ZGRF1: variants seen among roughly 807,000 people sequenced by gnomAD.
ZGRF1 encodes zinc finger GRF-type containing 1.
Under a neutral mutation model 203.5 loss-of-function variants are expected in ZGRF1, and 196 were observed. That is an observed-to-expected ratio of 0.96 (90% CI 0.86 to 1.08). The LOEUF is 1.08. Ranked by LOEUF, ZGRF1 falls within the 50% of genes least tolerant of loss-of-function variation. ZGRF1 has a pLI of 0.00. For synonymous variants in ZGRF1, 809 were observed against 841.3 expected, an observed-to-expected ratio of 0.96 and a Z score of 0.66; for missense variants, 2,326 against 2,416.3, an observed-to-expected ratio of 0.96 and a Z score of 0.78.
In ZGRF1 at chr4:112,618,094, A is replaced by G. The variant is rs1267588043; in HGVS notation, c.1948T>C (p.Trp650Arg). 1.2e-5 allele frequency: 20 copies of G among 1,613,818 alleles called. 1 individual carries two copies. The Admixed American group carries it at 3.2e-4, about 26-fold the overall frequency. The part of the protein sequence containing the change: ...DTLSNFESFK[W>R]TDAVYGDNKE... Reference sequence around the variant, plus strand: ...TTATCTCCGTATACAGCATCAGTCCACTTGAAAGATTCAAAATTGCTTAAT... The same window carrying G: ...TTATCTCCGTATACAGCATCAGTCCGCTTGAAAGATTCAAAATTGCTTAAT... The change falls in exon 6 of 28, where the codon TGG (tryptophan) becomes CGG (arginine). Residue 650 changes from tryptophan (W) to arginine (R), a missense_variant. Coordinates refer to ENST00000505019, the MANE Select transcript of ZGRF1 (RefSeq NM_018392.5).
At chr4:112,544,431 A>G (rs999238317) in intron 24 of ZGRF1, among the ~76,000 whole-genome samples, 1 of 152,228 alleles carries the variant, frequency 6.6e-6, no homozygotes, top group African/African-American at 2.4e-5. Flanking sequence ...CAGCATAGTG[A>G]GCCAGAATTC....
chr4:112,573,173 C>T (rs1231148506), intron 16 of ZGRF1, among the ~76,000 whole-genome samples: 1 of 128,312 alleles, frequency 7.8e-6, no homozygotes, highest in East Asian at 3.0e-4. Flanking sequence ...GTGATACACA[C>T]ACACACACAC....
At position 112,539,420 on chromosome 4, in the gene ZGRF1, G is replaced by T; in HGVS notation, c.*127C>A. ...TTTTTGAAGAACAAAATTTTTACAT[G>T]TGTTTACTATGTTATTTAAATATCA... On this transcript the variant is annotated 3_prime_UTR_variant, in exon 28 of 28. Transcript: ENST00000505019. The T allele has an allele frequency of 1.9e-6, 1 of 526,866 alleles. No homozygotes were observed. Among genetic ancestry groups the T allele is most frequent in the Non-Finnish European group, 3.1e-6 (1 of 327,276 alleles). 32.6% of individuals were successfully genotyped at this position (526,866 alleles called of 1,614,324 possible).
intron 1 of ZGRF1, 47 bp from the exon 2 acceptor site, chr4:112,633,289 T>C: frequency 2.3e-6 from 2 of 857,318 alleles, no homozygotes; most frequent in South Asian, 3.1e-5. Context: ...TTTTAAAAAA[T>C]ATCAAATATA....
intron 16 of ZGRF1, among the ~76,000 whole-genome samples, chr4:112,574,150 C>A (rs992638440): frequency 6.6e-6 from 1 of 152,160 alleles, no homozygotes. Flanking sequence ...GAAACCCATA[C>A]ATGTCTAAAA....
At chr4:112,625,446 G>A (rs1194472786) in intron 3 of ZGRF1, among the ~76,000 whole-genome samples, 1 of 151,724 alleles carries the variant, frequency 6.6e-6, no homozygotes, top group Non-Finnish European at 1.5e-5. Flanking sequence ...TTAGCCGGGC[G>A]CGGTGGCAGG....
rs1737411132 is a variant in ZGRF1, at chr4:112,540,813, A to G, written c.5910+8T>C. 12 of 1,583,384 alleles carry G rather than the reference A, an allele frequency of 7.6e-6. No homozygotes were observed. Among genetic ancestry groups the G allele is most frequent in the Non-Finnish European group, 1.0e-5 (12 of 1,162,126 alleles). ...TATATGGCAAATACTGTAATACATA[A>G]TACCAACCTTGTACATCTGGGATTT... On this transcript the variant is annotated splice_region_variant and intron_variant, in intron 26 of 27. Transcript: ENST00000505019.
At chr4:112,577,645 C>T (rs1244215013) in intron 16 of ZGRF1, among the ~76,000 whole-genome samples, 1 of 122,576 alleles carries the variant, frequency 8.2e-6, no homozygotes, top group African/African-American at 2.8e-5. Flanking sequence ...TCTGATAAAA[C>T]AGACTTTAAA....
Position 112,612,518 on chromosome 4 carries a change from C to A in ZGRF1, c.2667+6G>T. 1.3e-6 allele frequency: 2 copies of A among 1,577,984 alleles called. No homozygotes were observed. Among genetic ancestry groups the A allele is most frequent in the South Asian group, 1.1e-5 (1 of 87,288 alleles). On this transcript the variant is annotated splice_donor_region_variant and intron_variant, in intron 7 of 27. Coordinates refer to ENST00000505019, the MANE Select transcript of ZGRF1 (RefSeq NM_018392.5). Reference sequence around the variant, plus strand: ...AAAAACATACTCTTAGAAAAAAAACCTGTACCTGTTGAGAATCCTTGTGCA... The same window carrying A: ...AAAAACATACTCTTAGAAAAAAAACATGTACCTGTTGAGAATCCTTGTGCA...
chr4:112,605,471 C>T (rs1750634682), intron 9 of ZGRF1: 1 of 152,206 alleles, frequency 6.6e-6, no homozygotes, highest in Non-Finnish European at 1.5e-5. Context: ...AAAATAGGTA[C>T]CTTGCCTTCT....
intron 4 of ZGRF1, among the ~76,000 whole-genome samples, chr4:112,621,804 C>T (rs544638480): frequency 6.6e-5 from 10 of 151,360 alleles, no homozygotes; most frequent in Non-Finnish European, 1.3e-4. Flanking sequence ...CTCGGCTCAC[C>T]GAACCTCCGC....
At chr4:112,636,448 G>A (rs2047642821) in intron 1 of ZGRF1, among the ~76,000 whole-genome samples, 1 of 151,584 alleles carries the variant, frequency 6.6e-6, no homozygotes, top group African/African-American at 2.4e-5. Context: ...CCTCTAAATA[G>A]TTCGGATAAC....
At chr4:112,619,797 G>T in intron 5 of ZGRF1, 107 bp from the exon 6 acceptor site, 1 of 1,023,458 alleles carries the variant, frequency 9.8e-7, no homozygotes, top group Non-Finnish European at 1.4e-6. Flanking sequence ...GTTTGCCTAA[G>T]GTAAAGTAAT....
chr4:112,566,192 G>A (rs1743037067), intron 16 of ZGRF1, among the ~76,000 whole-genome samples: 1 of 151,960 alleles, frequency 6.6e-6, no homozygotes, highest in Admixed American at 6.5e-5. Context: ...CCTTTGTAGG[G>A]ACATGGATGA....
chr4:112,576,493 A>T (rs957976265), intron 16 of ZGRF1, among the ~76,000 whole-genome samples: 1 of 152,200 alleles, frequency 6.6e-6, no homozygotes, highest in Non-Finnish European at 1.5e-5. Context: ...CTAAAGGAGG[A>T]AGTTTGAACC....
chr4:112,557,638 T>C (rs1217133726), intron 20 of ZGRF1, among the ~76,000 whole-genome samples: 1 of 152,230 alleles, frequency 6.6e-6, no homozygotes, highest in Non-Finnish European at 1.5e-5. Context: ...GGTAGATGCC[T>C]GCACATGCCG....
chr4:112,544,245 T>C (rs1336665010), intron 24 of ZGRF1, among the ~76,000 whole-genome samples: 3 of 152,314 alleles, frequency 2.0e-5, no homozygotes, highest in Non-Finnish European at 2.9e-5. Context: ...AGAATAAAGC[T>C]GCCTTGTAGA....
At chr4:112,573,199 C>CACAT (rs1357899220) in intron 16 of ZGRF1, among the ~76,000 whole-genome samples, 1 of 149,030 alleles carries the variant, frequency 6.7e-6, no homozygotes, top group Non-Finnish European at 1.5e-5. Flanking sequence ...CACACACACA[C>CACAT]ACCCATGGAA....
chr4:112,561,911 C>CTT (rs11385405), intron 18 of ZGRF1, among the ~76,000 whole-genome samples: 50,879 of 108,180 alleles, frequency 0.47, 12,357 homozygotes, highest in East Asian at 0.79. Flanking sequence ...TTCCTTTTCT[C>CTT]TTTTTTTTTT....
Sources: gnomAD v4.1 joint callset for allele counts (sites outside exome capture counted in the v4.1 genomes callset) on GRCh38, gnomAD v4.1.1 for gene constraint, MANE v1.5 for transcripts, NCBI Gene and HGNC (gene_info 2026-07-23, HGNC 2026-07-21) for gene names.